Variants in FAM163A observed in about 807,000 individuals in gnomAD.
FAM163A encodes the protein protein FAM163A.
Under a neutral mutation model 12.0 loss-of-function variants are expected in FAM163A, and 7 were observed. That is an observed-to-expected ratio of 0.58 (90% confidence interval 0.33 to 1.10). The LOEUF is 1.10. FAM163A is among the 50% of genes least tolerant of loss of function. The pLI, the probability that FAM163A is intolerant of heterozygous loss-of-function variation, is 0.03. For synonymous variants in FAM163A, 101 were observed against 91.0 expected (o/e 1.11, Z -0.62); for missense variants, 202 against 218.6 (o/e 0.92, Z 0.48).
chr1:179,759,561 G>A (rs551530193), intron 1 of FAM163A, among the ~76,000 whole-genome samples: 13 of 152,258 alleles, frequency 8.5e-5, no homozygotes, highest in African/African-American at 3.1e-4. Context: ...CCAAGACCAG[G>A]AAGGGCTTTG....
At chr1:179,805,692 C>A (rs368231273) in intron 1 of FAM163A, among the ~76,000 whole-genome samples, 1 of 152,210 alleles carries the variant, frequency 6.6e-6, no homozygotes, top group Non-Finnish European at 1.5e-5. Flanking sequence ...CTGTCTACAC[C>A]GCCCTGTTCT....
chr1:179,795,584 G>A (rs576423577), intron 1 of FAM163A, among the ~76,000 whole-genome samples: 6 of 152,282 alleles, frequency 3.9e-5, no homozygotes, highest in Non-Finnish European at 5.9e-5. Context: ...GGACTCCCCC[G>A]TCTTCAGAAC....
chr1:179,734,094 T>A, the FAM163A span, among the ~76,000 whole-genome samples: 1 of 152,178 alleles, frequency 6.6e-6, no homozygotes, highest in Non-Finnish European at 1.5e-5. Flanking sequence ...TGACACCAAG[T>A]GAGGTGAATA....
intron 1 of FAM163A, among the ~76,000 whole-genome samples, chr1:179,803,468 G>T (rs1362706221): frequency 1.3e-5 from 2 of 152,220 alleles, no homozygotes; most frequent in Admixed American, 1.3e-4. Flanking sequence ...CTGGTATCGT[G>T]GGGAGTGAGA....
chr1:179,743,659 T>G (rs1177283144), intron 1 of FAM163A, among the ~76,000 whole-genome samples: 1 of 152,154 alleles, frequency 6.6e-6, no homozygotes, highest in East Asian at 1.9e-4. Context: ...TGGCTCTCCC[T>G]CTCCGCGCCA....
chr1:179,796,408 C>T (rs947075205), intron 1 of FAM163A, among the ~76,000 whole-genome samples: 1 of 152,110 alleles, frequency 6.6e-6, no homozygotes, highest in Non-Finnish European at 1.5e-5. Flanking sequence ...ATTTTGAAAG[C>T]GATTAAAATG....
intron 1 of FAM163A, among the ~76,000 whole-genome samples, chr1:179,769,528 G>C (rs1320416292): frequency 6.6e-6 from 1 of 152,218 alleles, no homozygotes; most frequent in Non-Finnish European, 1.5e-5. Context: ...GAACTCAGCA[G>C]ATTATTGCTG....
In FAM163A at chr1:179,769,535, G is replaced by A. The variant is rs537166698; in HGVS notation, c.-136+26112G>A. ...CTCTTCAAGAACTCAGCAGATTATT[G>A]CTGAAATAGGAGGAGTTTTGACTAT... On this transcript the variant is annotated intron_variant, in intron 1 of 4. Coordinates refer to ENST00000341785, the MANE Select transcript of FAM163A (RefSeq NM_173509.3). 7.9e-5 allele frequency among the ~76,000 whole-genome samples: 12 copies of A among 152,300 alleles called. No homozygotes were observed. In the South Asian group the frequency reaches 2.5e-3, roughly 32 times the overall value.
chr1:179,801,763 C>T (rs759684946), intron 1 of FAM163A, among the ~76,000 whole-genome samples: 1 of 152,188 alleles, frequency 6.6e-6, no homozygotes, highest in Admixed American at 6.5e-5. Context: ...GGGGACAGCA[C>T]TCTGTGCAAA....
At chr1:179,752,997 C>T (rs184540193) in intron 1 of FAM163A, among the ~76,000 whole-genome samples, 1 of 152,274 alleles carries the variant, frequency 6.6e-6, no homozygotes, top group Admixed American at 6.5e-5. Flanking sequence ...TTAGTACTCC[C>T]ATATTTCTTG....
upstream of FAM163A, among the ~76,000 whole-genome samples, chr1:179,740,084 G>T (rs2147916646): frequency 6.6e-6 from 1 of 152,270 alleles, no homozygotes; most frequent in South Asian, 2.1e-4. Context: ...ACTAGAAATA[G>T]TTCTCCTGGG....
intron 1 of FAM163A, among the ~76,000 whole-genome samples, chr1:179,785,020 T>C (rs1690401966): frequency 6.6e-6 from 1 of 152,134 alleles, no homozygotes; most frequent in Non-Finnish European, 1.5e-5. Flanking sequence ...CAAATAAATA[T>C]AGAACATGAA....
At chr1:179,810,823 G>A (rs1171414740) in intron 2 of FAM163A, among the ~76,000 whole-genome samples, 1 of 152,088 alleles carries the variant, frequency 6.6e-6, no homozygotes, top group Admixed American at 6.5e-5. Flanking sequence ...ACCCACCTTG[G>A]TGGGTGGTCA....
chr1:179,790,706 T>C (rs1307942578), intron 1 of FAM163A, among the ~76,000 whole-genome samples: 1 of 152,120 alleles, frequency 6.6e-6, no homozygotes, highest in East Asian at 1.9e-4. Context: ...CTGTCAACTT[T>C]GAAGACACAG....
In FAM163A at chr1:179,797,124, G is replaced by A. The variant is rs573675635; in HGVS notation, c.-135-10674G>A. ...CAGAGCCGTCGCAGGACTGCCCCCT[G>A]CAGAGAAGTCAGAGTGTGTTTCTCA... On this transcript the variant is annotated intron_variant, in intron 1 of 4. Coordinates refer to ENST00000341785, the MANE Select transcript of FAM163A (RefSeq NM_173509.3). Among the ~76,000 whole-genome samples the A allele has an allele frequency of 1.1e-4, 17 of 152,332 alleles. No individual in the cohort carries two copies. In the South Asian group the frequency reaches 3.5e-3, roughly 32 times the overall value.
intron 1 of FAM163A, among the ~76,000 whole-genome samples, chr1:179,792,855 T>G (rs1691713030): frequency 6.6e-6 from 1 of 151,132 alleles, no homozygotes; most frequent in African/African-American, 2.5e-5. Flanking sequence ...GGACCCATAC[T>G]CTAGTGGATG....
At chr1:179,780,613 G>C (rs1006597234) in intron 1 of FAM163A, among the ~76,000 whole-genome samples, 1 of 152,182 alleles carries the variant, frequency 6.6e-6, no homozygotes, top group African/African-American at 2.4e-5. Context: ...CCCCAGACCT[G>C]CTGAATCAGA....
intron 1 of FAM163A, among the ~76,000 whole-genome samples, chr1:179,765,142 G>A (rs1571372373): frequency 1.3e-5 from 2 of 152,118 alleles, no homozygotes; most frequent in Admixed American, 6.5e-5. Flanking sequence ...CATGGCTGCC[G>A]CTGGTGGAGG....
At chr1:179,754,320 A>C (rs1461838631) in intron 1 of FAM163A, among the ~76,000 whole-genome samples, 1 of 152,090 alleles carries the variant, frequency 6.6e-6, no homozygotes, top group Non-Finnish European at 1.5e-5. Context: ...TATACAGAAG[A>C]CTTTGGAACT....
Sources: gnomAD v4.1 joint callset for allele counts (sites outside exome capture counted in the v4.1 genomes callset) on GRCh38, gnomAD v4.1.1 for gene constraint, MANE v1.5 for transcripts, NCBI Gene and HGNC (gene_info 2026-07-23, HGNC 2026-07-21) for gene names.